S100A2: variants seen among roughly 807,000 people sequenced by gnomAD.
The protein encoded by S100A2 is protein S100-A2.
In S100A2, 5 loss-of-function variants were observed where a neutral mutation model predicts 4.3. The ratio of observed to expected loss-of-function variants is 1.16; its 90% CI spans 0.61 to 2.44. The LOEUF (loss-of-function observed/expected upper bound fraction) is 2.44, where lower values mean the gene tolerates loss of function less well. Ranked by LOEUF, S100A2 falls within the 30% of genes most tolerant of loss-of-function variation. The probability of loss-of-function intolerance (pLI) is 0.01; values close to 1 mark genes in which losing one functional copy is unlikely to be tolerated. For missense variants in S100A2, 103 were observed against 114.7 expected (o/e 0.90, Z 0.47); for synonymous variants, 44 against 46.0 (o/e 0.96, Z 0.17).
chr1:153,565,004 G>A (rs1474255392), intron 1 of S100A2, among the ~76,000 whole-genome samples: 11 of 151,924 alleles, frequency 7.2e-5, no homozygotes, highest in Non-Finnish European at 1.5e-5. Context: ...ACCTCACAGA[G>A]GAACCTGGAG....
intron 1 of S100A2, chr1:153,564,162 GC>G (rs2101706696): frequency 2.8e-6 from 1 of 356,086 alleles, no homozygotes; most frequent in East Asian, 4.8e-5. Flanking sequence ...TGAGGGCAGG[GC>G]TCCCCATTTT....
At chr1:153,563,674 G>T (rs1571249182) in intron 2 of S100A2, 60 bp downstream of exon 2, 5 of 1,592,630 alleles carry the variant, frequency 3.1e-6, no homozygotes, top group Non-Finnish European at 4.3e-6. Context: ...CTGGGGGAGA[G>T]ATTTAACCTG....
chr1:153,565,011 G>A (rs1481813040), intron 1 of S100A2, among the ~76,000 whole-genome samples: 1 of 151,830 alleles, frequency 6.6e-6, no homozygotes, highest in Non-Finnish European at 1.5e-5. Context: ...AGAGGAACCT[G>A]GAGAAAAACC....
Position 153,561,603 on chromosome 1 carries a change from A to C in S100A2, c.145-12T>G. The stretch of plus-strand genomic sequence containing the variant: ...TCATCCACTTTCTCCTGAAAGTGAC[A>C]GGAAATACACTCATCACCAAGCCAG... On this transcript the variant is annotated splice_polypyrimidine_tract_variant and intron_variant, in intron 2 of 2. Coordinates refer to ENST00000368708, the MANE Select transcript of S100A2 (RefSeq NM_005978.4). The C allele has an allele frequency of 6.2e-7, 1 of 1,614,086 alleles. No individual in the cohort carries two copies. Among genetic ancestry groups the C allele is most frequent in the South Asian group, 1.1e-5 (1 of 91,068 alleles).
intron 2 of S100A2, 52 bp downstream of exon 2, chr1:153,563,682 C>A (rs1009873466): frequency 6.3e-7 from 1 of 1,594,712 alleles, no homozygotes; most frequent in Non-Finnish European, 8.6e-7. Flanking sequence ...GAGATTTAAC[C>A]TGCACCCCCA....
In S100A2 at chr1:153,564,869, A is replaced by AAAAAAAAAAAAAC. The variant is rs1557899890; in HGVS notation, c.-11+636_-11+637insGTTTTTTTTTTTT. 4.7e-5 allele frequency among the ~76,000 whole-genome samples: 7 copies of AAAAAAAAAAAAAC among 149,472 alleles called. 1 individual carries two copies. Among genetic ancestry groups the AAAAAAAAAAAAAC allele is most frequent in the African/African-American group, 9.9e-5 (4 of 40,494 alleles). On this transcript the variant is annotated intron_variant, in intron 1 of 2. Coordinates refer to ENST00000368708, the MANE Select transcript of S100A2 (RefSeq NM_005978.4). Reference sequence around the variant, plus strand: ...CAGGACTTTGCAAAAAAAAAAAAAAATCTCAGGATTCTTTTTGCAGCAACG... The same window carrying AAAAAAAAAAAAAC: ...CAGGACTTTGCAAAAAAAAAAAAAAAAAAAAAAAAAAACTCTCAGGATTCTTTTTGCAGCAACG...
rs2233869 is a variant in S100A2, at chr1:153,561,417, G to A, written c.*22C>T. Reference sequence around the variant, plus strand: ...CAGTCCTGGGCCCAAGAGATCCATGGCAGGAAGTCAAGAGTTCTGCTTCAG... The same window carrying A: ...CAGTCCTGGGCCCAAGAGATCCATGACAGGAAGTCAAGAGTTCTGCTTCAG... On this transcript the variant is annotated 3_prime_UTR_variant, in exon 3 of 3. Transcript: ENST00000368708. 6.2e-7 allele frequency: 1 copy of A among 1,605,230 alleles called. No individual in the cohort carries two copies. The highest frequency in any genetic ancestry group is 8.5e-7 in the Non-Finnish European group (1 of 1,173,202).
intron 2 of S100A2, among the ~76,000 whole-genome samples, 183 bp from the exon 3 acceptor site, chr1:153,561,774 G>C (rs935518641): frequency 3.3e-5 from 5 of 152,222 alleles, no homozygotes; most frequent in African/African-American, 1.2e-4. Context: ...GAGAGAGACA[G>C]ATACTCATTG....
rs1309872533 is a variant in S100A2, at chr1:153,561,557, A to C, written c.179T>G (p.Met60Arg). 1.1e-5 allele frequency: 18 copies of C among 1,614,028 alleles called. No individual in the cohort carries two copies. Among genetic ancestry groups the C allele is most frequent in the Non-Finnish European group, 1.5e-5 (18 of 1,180,024 alleles). Reference protein sequence around the residue: ...KVDEEGLKKLMGSLDENSDQQ... With the variant: ...KVDEEGLKKLRGSLDENSDQQ... ...GTCACTGTTCTCATCCAGGCTGCCCATCAGCTTCTTCAGCCCCTCCTCATC... is the reference window on the plus strand; with the variant it reads ...GTCACTGTTCTCATCCAGGCTGCCCCTCAGCTTCTTCAGCCCCTCCTCATC... The change falls in exon 3 of 3, where the codon ATG becomes AGG. Residue 60 changes from methionine (M) to arginine (R), a missense_variant. Transcript: ENST00000368708.
In S100A2 at chr1:153,561,369, A is replaced by G; in HGVS notation, c.*70T>C. 1 of 1,529,290 alleles carries G rather than the reference A, an allele frequency of 6.5e-7. No homozygotes were observed. Among genetic ancestry groups the G allele is most frequent in the Non-Finnish European group, 8.9e-7 (1 of 1,129,262 alleles). The allele number at this position is 1,529,290 out of a possible 1,614,324, so 94.7% of individuals were successfully genotyped here. ...ATCAACAGACAAAAAAAGTTTATTG[A>G]ATACAAAACTCAAAGGCATCAACAG... On this transcript the variant is annotated 3_prime_UTR_variant, in exon 3 of 3. Coordinates refer to ENST00000368708, the MANE Select transcript of S100A2 (RefSeq NM_005978.4).
intron 1 of S100A2, chr1:153,564,223 G>A (rs567378084): frequency 4.5e-6 from 1 of 220,758 alleles, no homozygotes; most frequent in Admixed American, 5.3e-5. Context: ...CCATTTTGAT[G>A]GCATCTGCGC....
intron 2 of S100A2, among the ~76,000 whole-genome samples, chr1:153,562,220 T>C (rs1486199505): frequency 1.3e-5 from 2 of 152,098 alleles, no homozygotes; most frequent in East Asian, 3.9e-4. Flanking sequence ...CAGGCTGTAT[T>C]ATAGCTCACT....
chr1:153,563,994 C>A lies in S100A2; in HGVS notation c.-10-107G>T. On this transcript the variant is annotated intron_variant, in intron 1 of 2. Transcript: ENST00000368708. ...GCCCCCAAGCCACCTCACAAAACCC[C>A]TCTCTGAATGGGAAGGCAGGGGCTG... 9 of 1,171,104 alleles carry A rather than the reference C, an allele frequency of 7.7e-6. No individual in the cohort carries two copies. In the Admixed American group the frequency reaches 1.1e-4, roughly 14 times the overall value. 72.5% of individuals were successfully genotyped at this position (1,171,104 alleles called of 1,614,324 possible). A position where few individuals can be genotyped will look rare whatever the true frequency, so the allele number is the denominator to read the frequency against.
chr1:153,562,147 G>A (rs1476794870), intron 2 of S100A2, among the ~76,000 whole-genome samples: 1 of 152,032 alleles, frequency 6.6e-6, no homozygotes. Context: ...TTTTAGTAGA[G>A]ACAAGGCCTC....
chr1:153,561,168 A>G lies in S100A2; in HGVS notation c.*271T>C, dbSNP rs1195453468. ...AAGTCAGCAACCTATCTCGATTTCC[A>G]ATTTTTTGCTGGTGTTTGAAATTCC... is the stretch of plus-strand genomic sequence containing the variant. On this transcript the variant is annotated 3_prime_UTR_variant, in exon 3 of 3. Transcript: ENST00000368708. 2 of 324,420 alleles carry G rather than the reference A, an allele frequency of 6.2e-6. No individual in the cohort carries two copies. Among genetic ancestry groups the G allele is most frequent in the African/African-American group, 4.3e-5 (2 of 46,960 alleles). 20.1% of individuals were successfully genotyped at this position (324,420 alleles called of 1,614,324 possible). A position where few individuals can be genotyped will look rare whatever the true frequency, so the allele number is the denominator to read the frequency against.
chr1:153,563,539 G>A lies in S100A2; in HGVS notation c.144+195C>T, dbSNP rs760339260. On this transcript the variant is annotated intron_variant, in intron 2 of 2. Coordinates refer to ENST00000368708, the MANE Select transcript of S100A2 (RefSeq NM_005978.4). ...ACAGCACATGGTTCTCTGGAATGCTGCAGGAAACAGCCATTAATTAAGCAC... is the reference window on the plus strand; with the variant it reads ...ACAGCACATGGTTCTCTGGAATGCTACAGGAAACAGCCATTAATTAAGCAC... 2.4e-5 allele frequency: 38 copies of A among 1,551,032 alleles called. No individual in the cohort carries two copies. In the South Asian group the frequency reaches 4.2e-4, roughly 17 times the overall value.
intron 2 of S100A2, 192 bp downstream of exon 2, chr1:153,563,542 G>A: frequency 6.4e-7 from 1 of 1,551,232 alleles, no homozygotes; most frequent in Non-Finnish European, 8.7e-7. Context: ...GAATGCTGCA[G>A]GAAACAGCCA....
rs1665895570 is a variant in S100A2, at chr1:153,561,570, G to A, written c.166C>T (p.Leu56=). ...TCCAGGCTGCCCATCAGCTTCTTCAGCCCCTCCTCATCCACTTTCTCCTGA... is the reference window on the plus strand; with the variant it reads ...TCCAGGCTGCCCATCAGCTTCTTCAACCCCTCCTCATCCACTTTCTCCTGA... The part of the protein sequence containing the change: ...FVGEKVDEEG[L]KKLMGSLDEN... The change falls in exon 3 of 3, where the codon CTG becomes TTG. Residue 56 remains leucine (L), a synonymous_variant. Transcript: ENST00000368708. 2 of 1,614,120 alleles carry A rather than the reference G, an allele frequency of 1.2e-6. No homozygotes were observed. Among genetic ancestry groups the A allele is most frequent in the Middle Eastern group, 3.3e-4 (2 of 6,046 alleles).
rs35473116 is a variant in S100A2 at position 153,562,969 on chromosome 1, C to CAAA, written c.144+762_144+764dup. On this transcript the variant is annotated intron_variant, in intron 2 of 2. Coordinates refer to ENST00000368708, the MANE Select transcript of S100A2 (RefSeq NM_005978.4). ...AGAGTGAGATCTTGTCCCCCCACCA[C>CAAA]AAAAAAAAAAAAAAAAAAAGGAGTC... Among the ~76,000 whole-genome samples the CAAA allele has an allele frequency of 6.7e-4, 63 of 94,488 alleles. 1 individual carries two copies. Among genetic ancestry groups the CAAA allele is most frequent in the Non-Finnish European group, 8.8e-4 (43 of 48,608 alleles). 62.0% of individuals were successfully genotyped at this position (94,488 alleles called of 152,430 possible).
Sources: gnomAD v4.1 joint callset for allele counts (sites outside exome capture counted in the v4.1 genomes callset) on GRCh38, gnomAD v4.1.1 for gene constraint, MANE v1.5 for transcripts, NCBI Gene and HGNC (gene_info 2026-07-23, HGNC 2026-07-21) for gene names.